The following C1QTNF5 variants were observed in gnomAD, a reference collection of about 807,000 sequenced individuals.
The protein encoded by C1QTNF5 is C1q and TNF related 5.
Under a neutral mutation model 10.9 loss-of-function variants are expected in C1QTNF5, and 5 were observed. The ratio of observed to expected loss-of-function variants is 0.46; its 90% CI spans 0.24 to 0.97. The LOEUF is 0.97. Ranked by LOEUF, C1QTNF5 falls within the 50% of genes least tolerant of loss-of-function variation. C1QTNF5 has a pLI of 0.19. For missense variants in C1QTNF5, 281 were observed against 339.4 expected (o/e 0.83, Z 1.35); for synonymous variants, 161 against 156.5 (o/e 1.03, Z -0.22).
rs2135366420 is a variant in C1QTNF5, at chr11:119,340,727, G to A, written c.-76C>T. 2.6e-6 allele frequency: 1 copy of A among 378,476 alleles called. No homozygotes were observed. The highest frequency in any genetic ancestry group is 2.8e-5 in the South Asian group (1 of 35,520). The allele number at this position is 378,476 out of a possible 1,614,324, so 23.4% of individuals were successfully genotyped here. A position where few individuals can be genotyped will look rare whatever the true frequency, so the allele number is the denominator to read the frequency against. On this transcript the variant is annotated 5_prime_UTR_variant, in exon 1 of 3. Coordinates refer to ENST00000528368, the MANE Select transcript of C1QTNF5 (RefSeq NM_001278431.2). ...CCCGGCTCCCCGATGGCCTCCTTCG[G>A]GGCGCTCGCTACTCCGGACCCTCCA...
chr11:119,346,168 T>C, the C1QTNF5 span: 1 of 1,581,986 alleles, frequency 6.3e-7, no homozygotes, highest in Non-Finnish European at 8.6e-7. Context: ...ACCTGCGGGT[T>C]GGCAGGTGGG....
rs1390362035 is a variant in C1QTNF5, at chr11:119,339,094, A to G, written c.*237T>C. 4 of 540,086 alleles carry G rather than the reference A, an allele frequency of 7.4e-6. No homozygotes were observed. Among genetic ancestry groups the G allele is most frequent in the Non-Finnish European group, 9.8e-6 (3 of 306,620 alleles). The allele number at this position is 540,086 out of a possible 1,614,324, so 33.5% of individuals were successfully genotyped here. ...AGCAACTGGGGGACTTACACTTGCC[A>G]GCACAGCACACTCCTCTGGTCTTGG... On this transcript the variant is annotated 3_prime_UTR_variant, in exon 3 of 3. Coordinates refer to ENST00000528368, the MANE Select transcript of C1QTNF5 (RefSeq NM_001278431.2). The surrounding 1 kb of genome is among the most constrained non-coding windows in gnomAD (Gnocchi z 5.4).
Position 119,340,318 on chromosome 11 carries a change from A to T in C1QTNF5, c.80T>A (p.Leu27His). The change falls in exon 2 of 3, where the codon CTC becomes CAC. Residue 27 changes from leucine to histidine, a missense_variant. Leu to His is a moderately conservative substitution (Grantham distance 99, BLOSUM62 -3). Coordinates refer to ENST00000528368, the MANE Select transcript of C1QTNF5 (RefSeq NM_001278431.2). Reference protein sequence around the residue: ...PPLDDNKIPSLCPGHPGLPGT... With the variant: ...PPLDDNKIPSHCPGHPGLPGT... ...TGGAAGGCCGGGGTGCCCCGGGCAG[A>T]GGCTGGGGATCTTGTTGTCGTCCAG... 6.5e-7 allele frequency: 1 copy of T among 1,540,604 alleles called. No individual in the cohort carries two copies. Among genetic ancestry groups the T allele is most frequent in the Non-Finnish European group, 8.7e-7 (1 of 1,144,124 alleles).
chr11:119,342,994 T>C (rs754780011), upstream of C1QTNF5: 1 of 1,604,508 alleles, frequency 6.2e-7, no homozygotes, highest in East Asian at 2.2e-5. Context: ...GTGGCTCTGC[T>C]CCACAGAACC....
upstream of C1QTNF5, chr11:119,345,873 G>A (rs200540180): frequency 2.5e-6 from 4 of 1,613,714 alleles, no homozygotes; most frequent in Middle Eastern, 1.6e-4. Context: ...TCGTGGTAAG[G>A]CCTCCGGCAG....
intron 2 of C1QTNF5, 37 bp downstream of exon 2, chr11:119,340,147 G>A: frequency 6.6e-7 from 1 of 1,503,958 alleles, no homozygotes; most frequent in Non-Finnish European, 8.9e-7. Context: ...CGCCTGCTCG[G>A]ACATCGCCAC....
chr11:119,343,884 G>T, upstream of C1QTNF5: 1 of 1,613,860 alleles, frequency 6.2e-7, no homozygotes, highest in Non-Finnish European at 8.5e-7. Context: ...ACTTGCACTC[G>T]TCCTGAGCCT....
At chr11:119,341,586 G>A (rs1159600080), upstream of C1QTNF5, 9 of 1,612,890 alleles carry the variant, frequency 5.6e-6, no homozygotes, top group Non-Finnish European at 7.6e-6. Context: ...GCTGCCTCTG[G>A]CAGCCTGTTG....
chr11:119,342,132 T>C (rs1950509094), upstream of C1QTNF5: 19 of 960,932 alleles, frequency 2.0e-5, no homozygotes, highest in South Asian at 2.5e-4. Context: ...AGACAGGCTG[T>C]ACACACTCTG....
At chr11:119,343,153 A>G (rs1452074530), upstream of C1QTNF5, 1 of 986,902 alleles carries the variant, frequency 1.0e-6, no homozygotes, top group Non-Finnish European at 1.5e-6. Context: ...AGAAAGACAC[A>G]TATATTCAAC....
In C1QTNF5 at chr11:119,339,419, A is replaced by G. The variant is rs779732274; in HGVS notation, c.644T>C (p.Ile215Thr). 13 of 1,613,442 alleles carry G rather than the reference A, an allele frequency of 8.1e-6. No homozygotes were observed. Among genetic ancestry groups the G allele is most frequent in the South Asian group, 6.6e-5 (6 of 91,040 alleles). Reference sequence around the variant, plus strand: ...TGTCTTGATGCTGGCATAGATGCCAATGTAGTCACCCACACCCACCTGCAC... The same window carrying G: ...TGTCTTGATGCTGGCATAGATGCCAGTGTAGTCACCCACACCCACCTGCAC... The part of the protein sequence containing the change: ...VWVQVGVGDY[I>T]GIYASIKTDS... The change falls in exon 3 of 3, where the codon ATT becomes ACT. Residue 215 changes from isoleucine (I) to threonine (T), a missense_variant. By Grantham distance (89) the Ile-to-Thr change is moderately conservative (BLOSUM62 -1). Coordinates refer to ENST00000528368, the MANE Select transcript of C1QTNF5 (RefSeq NM_001278431.2). The surrounding 1 kb of genome is among the most constrained non-coding windows in gnomAD (Gnocchi z 5.4).
chr11:119,340,107 C>G, intron 2 of C1QTNF5, 77 bp downstream of exon 2: 1 of 1,446,084 alleles, frequency 6.9e-7, no homozygotes, highest in South Asian at 1.4e-5. Context: ...AGACCCGAGT[C>G]CCGGACACCG....
chr11:119,345,935 G>A, upstream of C1QTNF5: 1 of 1,613,790 alleles, frequency 6.2e-7, no homozygotes, highest in Non-Finnish European at 8.5e-7. Flanking sequence ...AGCTCTGGAG[G>A]CGAGAAGATG....
upstream of C1QTNF5, chr11:119,344,244 C>G: frequency 7.2e-7 from 1 of 1,398,426 alleles, no homozygotes; most frequent in Non-Finnish European, 1.0e-6. Flanking sequence ...ATGCCATTCC[C>G]ATTACACTAA....
chr11:119,346,622 G>C, the C1QTNF5 span: 1 of 1,138,778 alleles, frequency 8.8e-7, no homozygotes, highest in Non-Finnish European at 1.3e-6. Flanking sequence ...TCTACTACCC[G>C]AGGGAAAAGG....
At chr11:119,344,477 T>C, upstream of C1QTNF5, 1 of 1,558,336 alleles carries the variant, frequency 6.4e-7, no homozygotes, top group Non-Finnish European at 8.8e-7. Flanking sequence ...AGCGAGAGTT[T>C]TGGCCATGCC....
chr11:119,344,059 G>T, upstream of C1QTNF5: 3 of 1,519,388 alleles, frequency 2.0e-6, no homozygotes, highest in East Asian at 2.3e-5. Flanking sequence ...CTGGCTGGGG[G>T]GATGGGGTGG....
At chr11:119,344,668 C>T (rs200647939), upstream of C1QTNF5, 142 of 1,614,054 alleles carry the variant, frequency 8.8e-5, no homozygotes, top group East Asian at 2.1e-3. Flanking sequence ...TCATCACTGC[C>T]GTCAGCACAG....
At chr11:119,341,847 C>G (rs959372532), upstream of C1QTNF5, 44 of 1,613,788 alleles carry the variant, frequency 2.7e-5, no homozygotes, top group Non-Finnish European at 3.7e-5. Flanking sequence ...CTTCCCTCCA[C>G]CCAGAAGACC....
Sources: allele counts gnomAD v4.1 joint callset, GRCh38; gene constraint gnomAD v4.1.1; non-coding constraint Gnocchi (gnomAD v3.1); transcripts MANE v1.5; gene names NCBI Gene and HGNC (gene_info 2026-07-23, HGNC 2026-07-21).